Variants in CHRM5 observed in about 807,000 individuals in gnomAD.
CHRM5 encodes cholinergic receptor muscarinic 5.
Under a neutral mutation model 39.0 loss-of-function variants are expected in CHRM5, and 18 were observed. That is an observed-to-expected ratio of 0.46 (90% CI 0.32 to 0.68). The LOEUF is 0.68. Among genes scored for constraint, CHRM5 ranks in the 30% least tolerant of loss-of-function variants. The probability of loss-of-function intolerance (pLI) is 0.04; values close to 1 mark genes in which losing one functional copy is unlikely to be tolerated. For synonymous variants in CHRM5, 241 were observed against 246.3 expected (o/e 0.98, Z 0.20); for missense variants, 515 against 651.1 (o/e 0.79, Z 2.28).
intron 1 of CHRM5, among the ~76,000 whole-genome samples, chr15:34,029,517 C>CAAAAAAAA (rs66519745): frequency 1.7e-5 from 2 of 118,694 alleles, no homozygotes; most frequent in Non-Finnish European, 1.7e-5. Context: ...CCTATTTCTA[C>CAAAAAAAA]AAAAAAAAAA....
chr15:33,971,723 A>G, intron 1 of CHRM5, among the ~76,000 whole-genome samples: 1 of 152,010 alleles, frequency 6.6e-6, no homozygotes, highest in East Asian at 1.9e-4. Context: ...AATTTTTTTC[A>G]TTCCATTATA....
chr15:33,994,442 GTAA>G (rs1896853688), intron 1 of CHRM5, among the ~76,000 whole-genome samples: 1 of 152,256 alleles, frequency 6.6e-6, no homozygotes, highest in Non-Finnish European at 1.5e-5. Flanking sequence ...ATATCACAAT[GTAA>G]TAATAATAGA....
chr15:34,038,509 C>G (rs954550165), intron 1 of CHRM5, among the ~76,000 whole-genome samples: 1 of 152,128 alleles, frequency 6.6e-6, no homozygotes, highest in Non-Finnish European at 1.5e-5. Flanking sequence ...GGGTTCCTAA[C>G]CCGGACCCTG....
intron 1 of CHRM5, among the ~76,000 whole-genome samples, chr15:34,001,759 C>T (rs1897146775): frequency 6.6e-6 from 1 of 152,160 alleles, no homozygotes; most frequent in Non-Finnish European, 1.5e-5. Context: ...CTACTTCTTT[C>T]CTGCTCGGAA....
intron 1 of CHRM5, among the ~76,000 whole-genome samples, chr15:34,029,243 A>G (rs895042512): frequency 6.6e-6 from 1 of 152,208 alleles, no homozygotes; most frequent in African/African-American, 2.4e-5. Context: ...GTTTACTTCC[A>G]TATTGTAAAA....
intron 1 of CHRM5, among the ~76,000 whole-genome samples, chr15:34,004,001 CTG>C (rs944363250): frequency 5.9e-5 from 9 of 152,196 alleles, no homozygotes; most frequent in Admixed American, 5.9e-4. Context: ...TGATAGCCTT[CTG>C]TGAGTGCCCT....
chr15:33,993,314 G>C (rs567010521), intron 1 of CHRM5, among the ~76,000 whole-genome samples: 2 of 152,292 alleles, frequency 1.3e-5, no homozygotes, highest in East Asian at 3.9e-4. Context: ...CTCTTTCAGA[G>C]ACTAACAGAA....
At chr15:34,023,465 C>G (rs1485338418) in intron 1 of CHRM5, among the ~76,000 whole-genome samples, 2 of 152,158 alleles carry the variant, frequency 1.3e-5, no homozygotes, top group Admixed American at 6.5e-5. Flanking sequence ...AGAGCTCAGG[C>G]GCAGCCCACC....
intron 1 of CHRM5, among the ~76,000 whole-genome samples, chr15:33,990,193 G>A (rs982449378): frequency 6.6e-6 from 1 of 151,428 alleles, no homozygotes; most frequent in East Asian, 1.9e-4. Context: ...AACAGGGTGA[G>A]ACTCCGTCTC....
At chr15:34,007,044 T>A in intron 1 of CHRM5, 1 of 983,754 alleles carries the variant, frequency 1.0e-6, no homozygotes, top group Non-Finnish European at 1.2e-6. Flanking sequence ...TAATAGTTCA[T>A]ACCTGGACAT....
chr15:34,036,420 G>A (rs1208144647), intron 1 of CHRM5, among the ~76,000 whole-genome samples: 1 of 152,142 alleles, frequency 6.6e-6, no homozygotes, highest in South Asian at 2.1e-4. Flanking sequence ...ACATGGCTAG[G>A]AGTCTATTAT....
At chr15:34,015,746 C>T (rs754937659) in intron 1 of CHRM5, among the ~76,000 whole-genome samples, 3 of 152,068 alleles carry the variant, frequency 2.0e-5, no homozygotes, top group Non-Finnish European at 2.9e-5. Context: ...TTCAATGACA[C>T]GTCTCACACG....
intron 1 of CHRM5, among the ~76,000 whole-genome samples, chr15:34,011,070 T>C (rs910759097): frequency 6.6e-6 from 1 of 152,126 alleles, no homozygotes; most frequent in African/African-American, 2.4e-5. Context: ...CTCATTCCTA[T>C]AATACCTGCA....
chr15:34,013,880 C>T (rs766804657), intron 1 of CHRM5, among the ~76,000 whole-genome samples: 16 of 152,100 alleles, frequency 1.1e-4, no homozygotes, highest in Non-Finnish European at 1.8e-4. Flanking sequence ...TGTAGACTCA[C>T]GGCCTGAGAT....
intron 1 of CHRM5, among the ~76,000 whole-genome samples, chr15:33,983,245 C>T (rs1451778831): frequency 1.5e-5 from 2 of 129,142 alleles, no homozygotes; most frequent in African/African-American, 7.2e-5. Flanking sequence ...CACACACACA[C>T]ATATATATGG....
At chr15:33,980,076 T>A (rs114303869) in intron 1 of CHRM5, among the ~76,000 whole-genome samples, 2,212 of 152,344 alleles carry the variant, frequency 0.015, 52 homozygotes, top group African/African-American at 0.05. Context: ...CCTGGTTGAA[T>A]CCATGATATT....
At chr15:34,037,122 A>AT (rs1182721350) in intron 1 of CHRM5, among the ~76,000 whole-genome samples, 150 of 150,902 alleles carry the variant, frequency 9.9e-4, no homozygotes, top group African/African-American at 3.4e-3. Context: ...AAAAAAAAAA[A>AT]AAATATATAC....
chr15:33,997,611 A>G (rs1247953610), intron 1 of CHRM5, among the ~76,000 whole-genome samples: 4 of 152,124 alleles, frequency 2.6e-5, no homozygotes, highest in Non-Finnish European at 4.4e-5. Flanking sequence ...CACTTTCTCA[A>G]GAAGGTCAAT....
intron 1 of CHRM5, chr15:33,991,388 G>A (rs1896716759): frequency 6.6e-6 from 1 of 152,098 alleles, no homozygotes; most frequent in Admixed American, 6.5e-5. Context: ...ATAAATGCTT[G>A]AGAGGATGGA....
Sources: gnomAD v4.1 joint callset for allele counts (sites outside exome capture counted in the v4.1 genomes callset) on GRCh38, gnomAD v4.1.1 for gene constraint, MANE v1.5 for transcripts, NCBI Gene and HGNC (gene_info 2026-07-23, HGNC 2026-07-21) for gene names.